The following GGTLC1 variants were observed in gnomAD, a reference collection of about 807,000 sequenced individuals.
The protein encoded by GGTLC1 is gamma-glutamyltransferase light chain 1, also known as glutathione hydrolase light chain 1.
In GGTLC1, 14 loss-of-function variants were observed where a neutral mutation model predicts 19.5. That is an observed-to-expected ratio of 0.72 (90% CI 0.47 to 1.12). GGTLC1 has a LOEUF of 1.12. Ranked by LOEUF, GGTLC1 falls within the 50% of genes most tolerant of loss-of-function variation. GGTLC1 has a pLI of 0.00. For missense variants in GGTLC1, 304 were observed against 309.2 expected (o/e 0.98, Z 0.13); for synonymous variants, 110 against 124.2 (o/e 0.89, Z 0.76).
At chr20:23,988,560 C>A in intron 1 of GGTLC1, 49 bp downstream of exon 1, 1 of 958,956 alleles carries the variant, frequency 1.0e-6, no homozygotes, top group Non-Finnish European at 1.2e-6. Flanking sequence ...ATTGCATGAC[C>A]CCCCACGTCC....
In GGTLC1 at chr20:23,985,949, G is replaced by A; in HGVS notation, c.330C>T (p.Cys110=). The part of the protein sequence containing the change: ...QPGKQPLSSM[C]PTIMVGQDGQ... ...CGTCCTGGCCCACCATGATCGTCGG[G>A]CACATGGACGAGAGCGGCTGCTTCC... Residue 110 remains cysteine, a synonymous_variant, in exon 4 of 6, where the codon TGC becomes TGT. Transcript: ENST00000335694. The A allele has an allele frequency of 1.2e-6, 2 of 1,611,970 alleles. No homozygotes were observed. Among genetic ancestry groups the A allele is most frequent in the Non-Finnish European group, 8.5e-7 (1 of 1,179,856 alleles).
At position 23,985,683 on chromosome 20, in the gene GGTLC1, T is replaced by C. The variant is rs1023495109; in HGVS notation, c.515A>G (p.Glu172Gly). 11 of 1,611,996 alleles carry C rather than the reference T, an allele frequency of 6.8e-6. No individual in the cohort carries two copies. Among genetic ancestry groups the C allele is most frequent in the Non-Finnish European group, 9.3e-6 (11 of 1,179,842 alleles). Reference protein sequence around the residue: ...NQLLPNVTTVERNIDQEVTAA... With the variant: ...NQLLPNVTTVGRNIDQEVTAA... ...CCAGCCCACCTGGTCAATGTTTCTC[T>C]CCACTGTCGTGACGTTGGGCAGAAG... Residue 172 changes from glutamate to glycine, a missense_variant, in exon 5 of 6, where the codon GAG becomes GGG. Glu to Gly is a moderately conservative substitution (Grantham distance 98, BLOSUM62 -2). Coordinates refer to ENST00000335694, the MANE Select transcript of GGTLC1 (RefSeq NM_178311.3).
chr20:23,986,498 A>G lies in GGTLC1; in HGVS notation c.114T>C (p.Ala38=), dbSNP rs770553942. The stretch of plus-strand genomic sequence containing the variant: ...CGTCCTCTGCGACCACAGACAGGTG[A>G]GCAGTGCCCCCGTCATCCGGCATGT... The part of the protein sequence containing the change: ...EFYMPDDGGT[A]HLSVVAEDGS... The change falls in exon 2 of 6, where the codon GCT becomes GCC. Residue 38 remains alanine, a synonymous_variant. Coordinates refer to ENST00000335694, the MANE Select transcript of GGTLC1 (RefSeq NM_178311.3). The G allele has an allele frequency of 6.2e-7, 1 of 1,611,914 alleles. No homozygotes were observed. Among genetic ancestry groups the G allele is most frequent in the East Asian group, 2.2e-5 (1 of 44,878 alleles).
chr20:23,988,413 G>A (rs949911847), intron 1 of GGTLC1, among the ~76,000 whole-genome samples, 196 bp downstream of exon 1: 2 of 151,876 alleles, frequency 1.3e-5, no homozygotes, highest in African/African-American at 4.8e-5. Flanking sequence ...GAGTGCAATG[G>A]CGCGATCTCA....
intron 5 of GGTLC1, 140 bp downstream of exon 5, chr20:23,985,527 T>C: frequency 6.3e-7 from 1 of 1,588,706 alleles, no homozygotes; most frequent in Non-Finnish European, 8.6e-7. Flanking sequence ...GGTTTGGCCC[T>C]CATGGCACAG....
Position 23,986,102 on chromosome 20 carries a change from G to A in GGTLC1, c.278C>T (p.Pro93Leu). Reference sequence around the variant, plus strand: ...TGGCTGGATGAAATTGGCAGGTGAGGGGGGTACCCCAAACTCGTTGGTGAT... The same window carrying A: ...TGGCTGGATGAAATTGGCAGGTGAGAGGGGTACCCCAAACTCGTTGGTGAT... ...TSITNEFGVP[P>L]SPANFIQPGK... The change falls in exon 3 of 6, where the codon CCC becomes CTC. Residue 93 changes from proline (P) to leucine (L), a missense_variant. Pro to Leu is a moderately conservative substitution (Grantham distance 98). Transcript: ENST00000335694. The A allele has an allele frequency of 6.2e-7, 1 of 1,613,842 alleles. No homozygotes were observed. Among genetic ancestry groups the A allele is most frequent in the Non-Finnish European group, 8.5e-7 (1 of 1,179,848 alleles).
intron 5 of GGTLC1, 110 bp from the exon 6 acceptor site, chr20:23,985,472 T>C (rs570827666): frequency 1.2e-5 from 20 of 1,604,980 alleles, no homozygotes; most frequent in Non-Finnish European, 1.4e-5. Context: ...GGCCAGGTCA[T>C]CAGGAAGAGC....
Position 23,985,628 on chromosome 20 carries a change from C to T in GGTLC1, c.531+39G>A, listed in dbSNP as rs776329047. 1.3e-5 allele frequency: 21 copies of T among 1,611,018 alleles called. 1 individual carries two copies. In the South Asian group the frequency reaches 2.1e-4, roughly 16 times the overall value. ...GCCTCCAGCCCACGATGCCCTGGGG[C>T]CCCACACCGTGACTCAGTTTCTCCA... On this transcript the variant is annotated intron_variant, in intron 5 of 5. Coordinates refer to ENST00000335694, the MANE Select transcript of GGTLC1 (RefSeq NM_178311.3).
chr20:23,985,457 T>C, intron 5 of GGTLC1, 95 bp from the exon 6 acceptor site: 1 of 1,608,110 alleles, frequency 6.2e-7, no homozygotes, highest in East Asian at 2.2e-5. Context: ...GGTGGTGCCA[T>C]TTCAGGCCAG....
Position 23,985,924 on chromosome 20 carries a change from C to T in GGTLC1, c.355G>A (p.Gly119Ser), listed in dbSNP as rs746307097. 4.7e-5 allele frequency: 75 copies of T among 1,612,006 alleles called. 1 individual carries two copies. In the East Asian group the frequency reaches 1.4e-3, roughly 29 times the overall value. The change falls in exon 4 of 6, where the codon GGC (glycine) becomes AGC (serine). Residue 119 changes from glycine to serine, a missense_variant. Physicochemically the swap from Gly to Ser is moderately conservative, Grantham distance 56. Coordinates refer to ENST00000335694, the MANE Select transcript of GGTLC1 (RefSeq NM_178311.3). ...GCTCCCACCACCATCCGGACCTGGC[C>T]GTCCTGGCCCACCATGATCGTCGGG... ...MCPTIMVGQD[G>S]QVRMVVGAAG...
chr20:23,987,041 A>G (rs1230030631), intron 1 of GGTLC1, among the ~76,000 whole-genome samples: 7 of 152,254 alleles, frequency 4.6e-5, no homozygotes, highest in Admixed American at 1.3e-4. Context: ...ATCAAGAGGC[A>G]TGAGGTATGG....
intron 1 of GGTLC1, among the ~76,000 whole-genome samples, chr20:23,987,835 G>A (rs945819754): frequency 6.7e-6 from 1 of 150,154 alleles, no homozygotes; most frequent in Non-Finnish European, 1.5e-5. Flanking sequence ...GGATCACGAC[G>A]TCAGGAGATC....
At chr20:23,986,050 C>G in intron 3 of GGTLC1, 26 bp downstream of exon 3, 9 of 1,612,948 alleles carry the variant, frequency 5.6e-6, no homozygotes, top group East Asian at 2.2e-5. Context: ...ACCCCAGTCC[C>G]CCACCCTCGG....
Position 23,988,682 on chromosome 20 carries a change from A to G in GGTLC1, c.-108T>C, listed in dbSNP as rs1410786157. The G allele has an allele frequency of 9.2e-6, 3 of 325,772 alleles. No individual in the cohort carries two copies. The highest frequency in any genetic ancestry group is 6.8e-5 in the South Asian group (1 of 14,740). 20.2% of individuals were successfully genotyped at this position (325,772 alleles called of 1,614,324 possible). The stretch of plus-strand genomic sequence containing the variant: ...TAAGTGCTCACGCGCCCACTCCCTC[A>G]GGTTTAAAAGGCGCGTTGCCCGGCA... On this transcript the variant is annotated 5_prime_UTR_variant, in exon 1 of 6. Coordinates refer to ENST00000335694, the MANE Select transcript of GGTLC1 (RefSeq NM_178311.3).
Position 23,985,657 on chromosome 20 carries a change from C to T in GGTLC1, c.531+10G>A, listed in dbSNP as rs1404103667. ...ACACCGTGACTCAGTTTCTCCAACC[C>T]CCAGCCCACCTGGTCAATGTTTCTC... On this transcript the variant is annotated intron_variant, in intron 5 of 5. Transcript: ENST00000335694. The T allele has an allele frequency of 3.1e-6, 5 of 1,611,776 alleles. No homozygotes were observed. The highest frequency in any genetic ancestry group is 4.2e-6 in the Non-Finnish European group (5 of 1,179,878).
At chr20:23,986,777 C>G (rs905205613) in intron 1 of GGTLC1, 132 bp from the exon 2 acceptor site, 8 of 1,425,980 alleles carry the variant, frequency 5.6e-6, no homozygotes, top group Non-Finnish European at 6.6e-6. Flanking sequence ...GGCCCAGGAC[C>G]TTGCATGACC....
At chr20:23,985,545 A>T (rs1486735374) in intron 5 of GGTLC1, 122 bp downstream of exon 5, 2 of 1,587,546 alleles carry the variant, frequency 1.3e-6, no homozygotes, top group Admixed American at 3.5e-5. Context: ...CAGGGGCTCC[A>T]GATGGCCCAG....
At chr20:23,986,023 G>A in intron 3 of GGTLC1, 49 bp from the exon 4 acceptor site, 1 of 1,612,222 alleles carries the variant, frequency 6.2e-7, no homozygotes, top group Non-Finnish European at 8.5e-7. Context: ...GCCTGCCCAG[G>A]ACACCCGCCC....
At position 23,986,459 on chromosome 20, in the gene GGTLC1, G is replaced by C. The variant is rs148204497; in HGVS notation, c.153C>G (p.Ser51=). ...ACTAGAGGTTGATGGTGCTGGTGGC[G>C]GACACAGCACTGCCGTCCTCTGCGA... The part of the protein sequence containing the change: ...SVVAEDGSAV[S]ATSTINLYFG... Residue 51 remains serine (S), a synonymous_variant, in exon 2 of 6, where the codon TCC becomes TCG. Transcript: ENST00000335694. The C allele has an allele frequency of 0.012, 19,707 of 1,611,752 alleles. 583 individuals are homozygous for C. The highest frequency in any genetic ancestry group is 0.11 in the African/African-American group (8,081 of 74,914).
Sources: allele counts gnomAD v4.1 joint callset (sites outside exome capture counted in the v4.1 genomes callset), GRCh38; gene constraint gnomAD v4.1.1; transcripts MANE v1.5; gene names NCBI Gene and HGNC (gene_info 2026-07-23, HGNC 2026-07-21).